The following WDR88 variants were observed in gnomAD, a reference collection of about 807,000 sequenced individuals.
The protein encoded by WDR88 is WD repeat-containing protein 88.
WDR88 carries 40 observed loss-of-function variants against 46.8 expected under a neutral mutation model. The ratio of observed to expected loss-of-function variants is 0.86; its 90% confidence interval spans 0.66 to 1.11. The LOEUF is 1.11. WDR88 is among the 50% of genes most tolerant of loss of function. WDR88 has a pLI of 0.00. For missense variants in WDR88, 562 were observed against 602.4 expected (o/e 0.93, Z 0.70); for synonymous variants, 235 against 240.7 (o/e 0.98, Z 0.22).
At chr19:33,134,179 T>C (rs747575333) in intron 1 of WDR88, among the ~76,000 whole-genome samples, 1 of 152,122 alleles carries the variant, frequency 6.6e-6, no homozygotes, top group South Asian at 2.1e-4. Context: ...CTTTACCTAG[T>C]GGATCCCAAG....
At chr19:33,147,527 T>G (rs1973543386) in intron 3 of WDR88, 118 bp from the exon 4 acceptor site, 1 of 899,926 alleles carries the variant, frequency 1.1e-6, no homozygotes, top group Admixed American at 2.5e-5. Context: ...CGTTTGAACC[T>G]GGGAGGTGGA....
intron 5 of WDR88, among the ~76,000 whole-genome samples, chr19:33,150,178 G>A (rs974398449): frequency 1.3e-5 from 2 of 152,074 alleles, no homozygotes; most frequent in East Asian, 1.9e-4. Flanking sequence ...TGGGCTGGGC[G>A]TGGTGGCTCA....
At chr19:33,137,478 C>A (rs1973293353) in intron 1 of WDR88, among the ~76,000 whole-genome samples, 199 bp from the exon 2 acceptor site, 1 of 152,130 alleles carries the variant, frequency 6.6e-6, no homozygotes, top group Non-Finnish European at 1.5e-5. Flanking sequence ...GTCTTGAACT[C>A]CTGACCTCAG....
At chr19:33,156,304 G>A in intron 6 of WDR88, 51 bp from the exon 7 acceptor site, 1 of 1,578,014 alleles carries the variant, frequency 6.3e-7, no homozygotes. Flanking sequence ...ATGTCTTCAG[G>A]TCCTCCAGGA....
chr19:33,175,307 C>T (rs1454180499), intron 10 of WDR88, 89 bp from the exon 11 acceptor site: 29 of 1,376,514 alleles, frequency 2.1e-5, no homozygotes, highest in Non-Finnish European at 2.9e-5. Flanking sequence ...CTTGCCCCAG[C>T]TCAAGGTAGC....
chr19:33,153,710 G>T (rs966829612), intron 6 of WDR88, among the ~76,000 whole-genome samples: 1 of 151,892 alleles, frequency 6.6e-6, no homozygotes, highest in Admixed American at 6.6e-5. Context: ...GGCCAGGCTG[G>T]TCTCAAACTC....
chr19:33,139,592 C>T (rs957178764), intron 2 of WDR88, among the ~76,000 whole-genome samples: 10 of 152,178 alleles, frequency 6.6e-5, no homozygotes, highest in African/African-American at 2.2e-4. Context: ...GACAGATACT[C>T]GCATGAAGAT....
chr19:33,152,318 T>C (rs1599897440), intron 6 of WDR88, among the ~76,000 whole-genome samples: 2 of 152,148 alleles, frequency 1.3e-5, no homozygotes, highest in East Asian at 3.9e-4. Flanking sequence ...TGCCATTCAT[T>C]ACATTCACAG....
chr19:33,169,657 A>G (rs1334519270), intron 9 of WDR88, among the ~76,000 whole-genome samples: 1 of 120,234 alleles, frequency 8.3e-6, no homozygotes, highest in African/African-American at 3.1e-5. Context: ...ACAGAGTGAG[A>G]CCCAGTCTCA....
intron 7 of WDR88, 137 bp from the exon 8 acceptor site, chr19:33,160,277 G>A (rs1337505306): frequency 1.2e-5 from 10 of 850,674 alleles, no homozygotes; most frequent in Non-Finnish European, 2.0e-5. Flanking sequence ...TGGGGTCGTG[G>A]AGCCACTCCA....
Position 33,156,340 on chromosome 19 carries a change from C to T in WDR88, c.810-15C>T, listed in dbSNP as rs1029041196. The T allele has an allele frequency of 6.2e-7, 1 of 1,612,668 alleles. No individual in the cohort carries two copies. Among genetic ancestry groups the T allele is most frequent in the African/African-American group, 1.3e-5 (1 of 74,884 alleles). ...GCAAAGCGCTAATGTGTGCACCCCA[C>T]CATCTGTGTTTCAGGGCACATTCCA... is the stretch of plus-strand genomic sequence containing the variant. On this transcript the variant is annotated splice_polypyrimidine_tract_variant and intron_variant, in intron 6 of 10. Coordinates refer to ENST00000355868, the MANE Select transcript of WDR88 (RefSeq NM_173479.4).
intron 8 of WDR88, among the ~76,000 whole-genome samples, chr19:33,163,872 A>C (rs1313265497): frequency 1.3e-5 from 2 of 152,096 alleles, no homozygotes; most frequent in African/African-American, 2.4e-5. Context: ...AGACTCAAGC[A>C]ATCTGTCCAC....
intron 8 of WDR88, among the ~76,000 whole-genome samples, chr19:33,162,408 T>C (rs1973883674): frequency 6.6e-6 from 1 of 151,936 alleles, no homozygotes; most frequent in Non-Finnish European, 1.5e-5. Flanking sequence ...AGAGATGGTG[T>C]TTCACCATGT....
intron 9 of WDR88, among the ~76,000 whole-genome samples, chr19:33,168,805 G>T (rs1489324256): frequency 6.6e-6 from 1 of 152,102 alleles, no homozygotes; most frequent in African/African-American, 2.4e-5. Flanking sequence ...GGAAGGAGAA[G>T]AATAAGAGGG....
In WDR88 at chr19:33,175,541, C is replaced by A; in HGVS notation, c.1388C>A (p.Ser463Ter). Residue 463 changes from serine (S) to a stop codon, truncating the protein, a stop_gained, in exon 11 of 11, where the codon TCA becomes TAA. Transcript: ENST00000355868. LOFTEE classifies it low-confidence loss of function (END_TRUNC). ...TCATCATCATCGGAAAGGGAGAACT[C>A]ACCGCCGCCAAGGGGAAGCAAGGAT... ...SSSSSSEREN[S>*]PPPRGSKDD is the part of the protein sequence containing the mutation. 1 of 1,614,192 alleles carries A rather than the reference C, an allele frequency of 6.2e-7. No homozygotes were observed. The highest frequency in any genetic ancestry group is 1.1e-5 in the South Asian group (1 of 91,088).
At chr19:33,163,343 A>T (rs1049908240) in intron 8 of WDR88, among the ~76,000 whole-genome samples, 2 of 151,922 alleles carry the variant, frequency 1.3e-5, no homozygotes, top group Admixed American at 6.6e-5. Flanking sequence ...AAAAAAAAAA[A>T]AAATTAGCTG....
rs760808538 is a variant in WDR88 at position 33,156,510 on chromosome 19, G to T, written c.965G>T (p.Gly322Val). The T allele has an allele frequency of 8.1e-6, 13 of 1,613,634 alleles. No homozygotes were observed. The East Asian group carries it at 1.3e-4, about 17-fold the overall frequency. ...GTGACTCTGATGCAGGGCCATGAAGGTTCTGTCAGTTCCTGTCACTTTGCC... is the reference window on the plus strand; with the variant it reads ...GTGACTCTGATGCAGGGCCATGAAGTTTCTGTCAGTTCCTGTCACTTTGCC... ...ACVTLMQGHEGSVSSCHFARD... is the reference protein window; with the variant it reads ...ACVTLMQGHEVSVSSCHFARD... Residue 322 changes from glycine (G) to valine (V), a missense_variant, in exon 7 of 11, where the codon GGT (glycine) becomes GTT (valine). Transcript: ENST00000355868.
Position 33,132,398 on chromosome 19 carries a change from C to T in WDR88, c.229C>T (p.Gln77Ter). 1 of 1,614,124 alleles carries T rather than the reference C, an allele frequency of 6.2e-7. No individual in the cohort carries two copies. Among genetic ancestry groups the T allele is most frequent in the Non-Finnish European group, 8.5e-7 (1 of 1,180,028 alleles). Reference sequence around the variant, plus strand: ...ACCGCATCTGTTGCCTGAGAAGCACCAGGTGCCGGAGAAATTGATCTGGGG... The same window carrying T: ...ACCGCATCTGTTGCCTGAGAAGCACTAGGTGCCGGAGAAATTGATCTGGGG... ...PPPHLLPEKH[Q>*]VPEKLIWGDQ... Residue 77 changes from glutamine to a stop codon, truncating the protein, a stop_gained, in exon 1 of 11, where the codon CAG (glutamine) becomes TAG (stop). Transcript: ENST00000355868. LOFTEE classifies it high-confidence loss of function.
intron 1 of WDR88, 50 bp from the exon 2 acceptor site, chr19:33,137,627 A>T: frequency 6.8e-7 from 1 of 1,462,718 alleles, no homozygotes; most frequent in Non-Finnish European, 9.5e-7. Flanking sequence ...TTGTACATTG[A>T]TTTTGTGTCC....
Sources: gnomAD v4.1 joint callset for allele counts (sites outside exome capture counted in the v4.1 genomes callset) on GRCh38, gnomAD v4.1.1 for gene constraint, MANE v1.5 for transcripts, NCBI Gene and HGNC (gene_info 2026-07-23, HGNC 2026-07-21) for gene names.